DLGAP2: variants seen among roughly 807,000 people sequenced by gnomAD.
DLGAP2 encodes disks large-associated protein 2.
A neutral mutation model predicts 100.3 loss-of-function variants in DLGAP2; 26 were observed. The ratio of observed to expected loss-of-function variants is 0.26; its 90% CI spans 0.19 to 0.36. The LOEUF is 0.36. DLGAP2 is among the 10% of genes least tolerant of loss of function. The probability of loss-of-function intolerance (pLI) is 1.00; values close to 1 mark genes in which losing one functional copy is unlikely to be tolerated. For synonymous variants in DLGAP2, 886 were observed against 630.1 expected (o/e 1.41, Z -6.08); for missense variants, 1,858 against 1,453.2 (o/e 1.28, Z -4.53).
At chr8:798,112 AG>A (rs1166106840) in intron 1 of DLGAP2, among the ~76,000 whole-genome samples, 1 of 152,186 alleles carries the variant, frequency 6.6e-6, no homozygotes, top group Non-Finnish European at 1.5e-5. Context: ...TGTTTGCATC[AG>A]TTTCTTGTCT....
chr8:1,143,053 AGGGTGT>A (rs1314002317), intron 2 of DLGAP2, among the ~76,000 whole-genome samples: 2 of 152,200 alleles, frequency 1.3e-5, no homozygotes, highest in Non-Finnish European at 2.9e-5. Context: ...CAGGGGCCTC[AGGGTGT>A]GGGACTGCCG....
intron 2 of DLGAP2, among the ~76,000 whole-genome samples, chr8:1,091,579 G>A (rs1371208206): frequency 2.0e-5 from 3 of 152,204 alleles, no homozygotes; most frequent in Non-Finnish European, 4.4e-5. Flanking sequence ...CCAAGAGCCC[G>A]CAGTGATGCC....
intron 1 of DLGAP2, among the ~76,000 whole-genome samples, chr8:757,541 G>C (rs900012260): frequency 1.3e-5 from 2 of 152,116 alleles, no homozygotes; most frequent in African/African-American, 2.4e-5. Context: ...GCTTCATTTG[G>C]GTTTTCCATT....
chr8:808,080 T>C (rs1490498287), intron 1 of DLGAP2, among the ~76,000 whole-genome samples: 1 of 152,224 alleles, frequency 6.6e-6, no homozygotes, highest in East Asian at 1.9e-4. Flanking sequence ...TACGCTCATC[T>C]GTGTCAGCCT....
chr8:1,363,381 A>G (rs986693147), intron 3 of DLGAP2, among the ~76,000 whole-genome samples: 9 of 151,688 alleles, frequency 5.9e-5, no homozygotes, highest in African/African-American at 1.9e-4. Flanking sequence ...TCCGTGGCAC[A>G]CCTGCGGCTG....
chr8:1,574,269 G>C (rs1802874456), intron 6 of DLGAP2, among the ~76,000 whole-genome samples: 1 of 152,162 alleles, frequency 6.6e-6, no homozygotes, highest in Admixed American at 6.5e-5. Context: ...GGGGTAACGT[G>C]AGACAGGAGA....
chr8:1,182,713 G>C (rs575836344), intron 2 of DLGAP2, among the ~76,000 whole-genome samples: 3 of 152,318 alleles, frequency 2.0e-5, no homozygotes, highest in African/African-American at 7.2e-5. Context: ...TCACGTCTGC[G>C]CTGCCCTGAG....
At chr8:1,269,058 A>G (rs951681710) in intron 3 of DLGAP2, among the ~76,000 whole-genome samples, 1 of 152,186 alleles carries the variant, frequency 6.6e-6, no homozygotes, top group Admixed American at 6.5e-5. Context: ...CCAATAGGGC[A>G]TACAGATGTG....
chr8:776,859 A>T (rs1047990193), intron 1 of DLGAP2, among the ~76,000 whole-genome samples: 2 of 152,168 alleles, frequency 1.3e-5, no homozygotes, highest in Non-Finnish European at 2.9e-5. Context: ...GTAGATGTCT[A>T]TTAGGTCCAC....
At chr8:1,453,598 C>A (rs1454979884) in intron 3 of DLGAP2, among the ~76,000 whole-genome samples, 1 of 152,150 alleles carries the variant, frequency 6.6e-6, no homozygotes, top group Non-Finnish European at 1.5e-5. Flanking sequence ...CCTTACAGAA[C>A]GTCTCTTGGG....
intron 3 of DLGAP2, among the ~76,000 whole-genome samples, chr8:1,281,508 G>T (rs1299976456): frequency 6.6e-6 from 1 of 152,186 alleles, no homozygotes; most frequent in Non-Finnish European, 1.5e-5. Context: ...CCCCGGCGGA[G>T]ACAGCCCTGG....
chr8:1,128,642 A>G (rs983166010), intron 2 of DLGAP2, among the ~76,000 whole-genome samples: 1 of 152,166 alleles, frequency 6.6e-6, no homozygotes, highest in East Asian at 1.9e-4. Context: ...GGCCAACAAC[A>G]CGTTTCCCAG....
chr8:1,226,024 A>G (rs941446912), intron 2 of DLGAP2, among the ~76,000 whole-genome samples: 3 of 152,184 alleles, frequency 2.0e-5, no homozygotes, highest in African/African-American at 7.2e-5. Context: ...ATATATGCAT[A>G]TATATGGTAT....
At position 1,708,014 on chromosome 8, in the gene DLGAP2, C is replaced by G. The variant is rs917964929; in HGVS notation, c.*6608C>G. On this transcript the variant is annotated 3_prime_UTR_variant, in exon 15 of 15. Transcript: ENST00000637795. ...ACAATTTCTTACTTCCTCTTAATAA[C>G]TTACCAGAATGTTGGTCATTCCTTT... 1 of 152,628 alleles carries G rather than the reference C, an allele frequency of 6.6e-6. No homozygotes were observed. Among genetic ancestry groups the G allele is most frequent in the Non-Finnish European group, 1.5e-5 (1 of 68,040 alleles). 9.5% of individuals were successfully genotyped at this position (152,628 alleles called of 1,614,324 possible).
chr8:998,414 C>T (rs892433494), intron 2 of DLGAP2, among the ~76,000 whole-genome samples: 1 of 152,114 alleles, frequency 6.6e-6, no homozygotes, highest in African/African-American at 2.4e-5. Flanking sequence ...TATCCTCCCA[C>T]CTCTGCCTCC....
At chr8:1,245,394 A>T (rs567408504) in intron 2 of DLGAP2, among the ~76,000 whole-genome samples, 63 of 152,358 alleles carry the variant, frequency 4.1e-4, no homozygotes, top group African/African-American at 1.5e-3. Context: ...CCATCCATGC[A>T]ATGGAATCTT....
At chr8:1,286,840 G>T (rs1345439066) in intron 3 of DLGAP2, among the ~76,000 whole-genome samples, 1 of 152,214 alleles carries the variant, frequency 6.6e-6, no homozygotes, top group Non-Finnish European at 1.5e-5. Flanking sequence ...GGCCGTATGG[G>T]GAAAGTGACT....
At chr8:1,593,609 C>A (rs1336254000) in intron 6 of DLGAP2, among the ~76,000 whole-genome samples, 1 of 152,156 alleles carries the variant, frequency 6.6e-6, no homozygotes, top group African/African-American at 2.4e-5. Flanking sequence ...ACCCTACAAT[C>A]AGGAAGAGAC....
intron 2 of DLGAP2, among the ~76,000 whole-genome samples, chr8:1,125,587 C>T (rs1053155334): frequency 6.6e-6 from 1 of 152,148 alleles, no homozygotes; most frequent in Non-Finnish European, 1.5e-5. Flanking sequence ...TAATCTGATT[C>T]AAATCTAACA....
Sources: allele counts gnomAD v4.1 joint callset (sites outside exome capture counted in the v4.1 genomes callset), GRCh38; gene constraint gnomAD v4.1.1; transcripts MANE v1.5; gene names NCBI Gene and HGNC (gene_info 2026-07-23, HGNC 2026-07-21).